EXOSC9: variants seen among roughly 807,000 people sequenced by gnomAD.
EXOSC9 encodes the protein exosome complex component RRP45.
A neutral mutation model predicts 56.5 loss-of-function variants in EXOSC9; 38 were observed. The observed-to-expected ratio is 0.67, with a 90% CI of 0.52 to 0.88. The LOEUF is 0.88. EXOSC9 is among the 40% of genes least tolerant of loss of function. The pLI, the probability that EXOSC9 is intolerant of heterozygous loss-of-function variation, is 0.00. For synonymous variants in EXOSC9, 170 were observed against 170.8 expected (o/e 0.99, Z 0.04); for missense variants, 559 against 530.5 (o/e 1.05, Z -0.53).
intron 10 of EXOSC9, chr4:121,815,268 T>A (rs1445933692): frequency 4.8e-6 from 3 of 627,162 alleles, no homozygotes; most frequent in Non-Finnish European, 6.0e-6. Flanking sequence ...ACAATTCTCT[T>A]ATTGTTGAAG....
Position 121,801,446 on chromosome 4 carries a change from A to G in EXOSC9, c.22A>G (p.Asn8Asp), listed in dbSNP as rs567231265. Residue 8 changes from asparagine (N) to aspartate (D), a missense_variant, in exon 1 of 12, where the codon AAC becomes GAC. Physicochemically the swap from Asn to Asp is conservative, Grantham distance 23. Transcript: ENST00000243498. The part of the protein sequence containing the change: MKETPLS[N>D]CERRFLLRAI... ...CACCATGAAGGAAACGCCACTCTCAAACTGCGAACGCCGCTTCCTACTCCG... is the reference window on the plus strand; with the variant it reads ...CACCATGAAGGAAACGCCACTCTCAGACTGCGAACGCCGCTTCCTACTCCG... 3.1e-6 allele frequency: 5 copies of G among 1,614,148 alleles called. No homozygotes were observed. The East Asian group carries it at 8.9e-5, about 29-fold the overall frequency.
chr4:121,802,813 A>C lies in EXOSC9; in HGVS notation c.281+20A>C, dbSNP rs1726908187. ...TGGCAGGTATTTAAATCTTTTTCTT[A>C]AGTTGCTTTAGTCATAGGAGAACCT... On this transcript the variant is annotated intron_variant, in intron 3 of 11. Transcript: ENST00000243498. 1.2e-6 allele frequency: 2 copies of C among 1,612,986 alleles called. No homozygotes were observed. The highest frequency in any genetic ancestry group is 1.1e-5 in the South Asian group (1 of 90,944).
chr4:121,801,583 A>G (rs1578495165), intron 1 of EXOSC9, 93 bp downstream of exon 1: 3 of 1,203,896 alleles, frequency 2.5e-6, no homozygotes, highest in Non-Finnish European at 3.7e-6. Flanking sequence ...CCGGGGAGCT[A>G]CTAGGGGAAC....
chr4:121,807,072 C>T (rs112021937), intron 5 of EXOSC9, among the ~76,000 whole-genome samples: 6,158 of 152,256 alleles, frequency 0.04, 161 homozygotes, highest in Non-Finnish European at 0.06. Context: ...GCAGGTGGAT[C>T]ACCTCAGGTT....
At chr4:121,809,558 T>C (rs901738410) in intron 6 of EXOSC9, among the ~76,000 whole-genome samples, 1 of 152,120 alleles carries the variant, frequency 6.6e-6, no homozygotes, top group African/African-American at 2.4e-5. Context: ...AAATAGACAG[T>C]ATTTTTTTCA....
At chr4:121,801,571 G>T (rs2149033300) in intron 1 of EXOSC9, 81 bp downstream of exon 1, 2 of 1,340,944 alleles carry the variant, frequency 1.5e-6, no homozygotes, top group South Asian at 2.3e-5. Context: ...GCCCGCCTGG[G>T]CCCGGGGAGC....
chr4:121,811,573 T>G lies in EXOSC9; in HGVS notation c.739-10T>G. On this transcript the variant is annotated splice_polypyrimidine_tract_variant and intron_variant, in intron 7 of 11. Transcript: ENST00000243498. ...TGTCTTTAAACAACAGAATTCACTT[T>G]TATAAATAGGTTCTGAGATGCAGTA... The G allele has an allele frequency of 6.6e-7, 1 of 1,515,650 alleles. No individual in the cohort carries two copies. The highest frequency in any genetic ancestry group is 2.1e-4 in the Middle Eastern group (1 of 4,690). The allele number at this position is 1,515,650 out of a possible 1,614,324, so 93.9% of individuals were successfully genotyped here.
At chr4:121,801,964 T>A (rs1417961518) in intron 2 of EXOSC9, 43 bp downstream of exon 2, 4 of 1,347,674 alleles carry the variant, frequency 3.0e-6, no homozygotes, top group Non-Finnish European at 4.3e-6. Flanking sequence ...AGGGAGAAGT[T>A]TGAAAAAAGA....
At chr4:121,802,462 A>G (rs536753999) in intron 2 of EXOSC9, among the ~76,000 whole-genome samples, 1 of 152,352 alleles carries the variant, frequency 6.6e-6, no homozygotes, top group East Asian at 1.9e-4. Flanking sequence ...TGTAATAAGA[A>G]GAGAGGTGTT....
Position 121,810,658 on chromosome 4 carries a change from G to T in EXOSC9, c.738+559G>T, listed in dbSNP as rs370557352. Among the ~76,000 whole-genome samples, 39 of 152,058 alleles carry T rather than the reference G, an allele frequency of 2.6e-4. 1 individual carries two copies. In the South Asian group the frequency reaches 2.9e-3, roughly 11 times the overall value. ...GATCGTGCCATTGTTCTCCAGTCTG[G>T]GCAACAACAGCAAAATTCCATCTGA... is the stretch of plus-strand genomic sequence containing the variant. On this transcript the variant is annotated intron_variant, in intron 7 of 11. Transcript: ENST00000243498.
Position 121,804,713 on chromosome 4 carries a change from A to G in EXOSC9, c.476A>G (p.His159Arg). 1 of 1,613,308 alleles carries G rather than the reference A, an allele frequency of 6.2e-7. No homozygotes were observed. The highest frequency in any genetic ancestry group is 8.5e-7 in the Non-Finnish European group (1 of 1,179,440). ...ATTGCTGCAATCGTGGCCTTATGTCATTTCCGAAGACCTGATGTCTCTGTC... is the reference window on the plus strand; with the variant it reads ...ATTGCTGCAATCGTGGCCTTATGTCGTTTCCGAAGACCTGATGTCTCTGTC... ...ASIAAIVALC[H>R]FRRPDVSVQG... Residue 159 changes from histidine (H) to arginine (R), a missense_variant, in exon 5 of 12, where the codon CAT becomes CGT. Physicochemically the swap from His to Arg is conservative, Grantham distance 29. Coordinates refer to ENST00000243498, the MANE Select transcript of EXOSC9 (RefSeq NM_005033.3).
intron 7 of EXOSC9, among the ~76,000 whole-genome samples, chr4:121,811,271 G>A (rs757928853): frequency 6.6e-6 from 1 of 152,146 alleles, no homozygotes; most frequent in Non-Finnish European, 1.5e-5. Context: ...AGCATCACAA[G>A]TACTACCCAG....
chr4:121,805,640 C>T (rs1040515197), intron 5 of EXOSC9, among the ~76,000 whole-genome samples: 12 of 151,906 alleles, frequency 7.9e-5, no homozygotes, highest in Non-Finnish European at 2.9e-5. Context: ...AAGTAGAAAG[C>T]GATTACTACA....
At chr4:121,813,693 T>G (rs1560627628) in intron 9 of EXOSC9, 173 bp from the exon 10 acceptor site, 1 of 533,772 alleles carries the variant, frequency 1.9e-6, no homozygotes, top group Non-Finnish European at 3.2e-6. Flanking sequence ...TGCCTGAGTT[T>G]TTTTTCTTCT....
chr4:121,813,127 T>G (rs1024658090), intron 8 of EXOSC9, 107 bp from the exon 9 acceptor site: 3 of 1,055,324 alleles, frequency 2.8e-6, no homozygotes, highest in Non-Finnish European at 4.1e-6. Flanking sequence ...TTCCAATATT[T>G]TTCATCCACC....
chr4:121,807,414 AAG>A (rs894264963), intron 5 of EXOSC9, 124 bp from the exon 6 acceptor site: 2 of 496,750 alleles, frequency 4.0e-6, no homozygotes, highest in African/African-American at 2.0e-5. Flanking sequence ...AATTAATTAA[AAG>A]AAGTTATTTA....
At chr4:121,814,745 C>T (rs978822804) in intron 10 of EXOSC9, 20 of 152,062 alleles carry the variant, frequency 1.3e-4, no homozygotes, top group Non-Finnish European at 2.5e-4. Flanking sequence ...CTAGACATCG[C>T]AGTATTAGAA....
At chr4:121,813,714 G>C in intron 9 of EXOSC9, 152 bp from the exon 10 acceptor site, 1 of 554,612 alleles carries the variant, frequency 1.8e-6, no homozygotes, top group Non-Finnish European at 3.1e-6. Flanking sequence ...TCATTGTTCA[G>C]CCATCCATAG....
intron 10 of EXOSC9, chr4:121,814,535 A>G (rs142866080): frequency 1.4e-4 from 22 of 152,576 alleles, no homozygotes; most frequent in African/African-American, 5.1e-4. Flanking sequence ...CAAAAAGCCC[A>G]TCCCATATCA....
Sources: gnomAD v4.1 joint callset for allele counts (sites outside exome capture counted in the v4.1 genomes callset) on GRCh38, gnomAD v4.1.1 for gene constraint, MANE v1.5 for transcripts, NCBI Gene and HGNC (gene_info 2026-07-23, HGNC 2026-07-21) for gene names.